The following PDE10A variants were observed in gnomAD, a reference collection of about 807,000 sequenced individuals.
PDE10A encodes phosphodiesterase 10A.
PDE10A carries 39 observed loss-of-function variants against 97.7 expected under a neutral mutation model. That is an observed-to-expected ratio of 0.40 (90% CI 0.31 to 0.52). The LOEUF (loss-of-function observed/expected upper bound fraction) is 0.52, where lower values mean the gene tolerates loss of function less well. PDE10A is among the 20% of genes least tolerant of loss of function. The pLI is 0.56. For synonymous variants in PDE10A, 371 were observed against 376.8 expected, an observed-to-expected ratio of 0.98 and a Z score of 0.18; for missense variants, 731 against 1,047.8, an observed-to-expected ratio of 0.70 and a Z score of 4.17.
chr6:165,734,332 C>T (rs1340386319), intron 1 of PDE10A, among the ~76,000 whole-genome samples: 3 of 152,090 alleles, frequency 2.0e-5, no homozygotes, highest in Admixed American at 6.6e-5. Context: ...CACACACATG[C>T]TTCTCACAGA....
intron 15 of PDE10A, among the ~76,000 whole-genome samples, chr6:165,393,995 A>C (rs1785928157): frequency 6.6e-6 from 1 of 152,132 alleles, no homozygotes; most frequent in Admixed American, 6.6e-5. Flanking sequence ...TTTTCGATCT[A>C]TTCTAATAGA....
At chr6:165,928,038 A>G (rs1377616812) in intron 1 of PDE10A, among the ~76,000 whole-genome samples, 1 of 150,586 alleles carries the variant, frequency 6.6e-6, no homozygotes, top group Admixed American at 6.6e-5. Flanking sequence ...TTTATATATA[A>G]TTTAATATGT....
At chr6:165,776,700 C>T (rs9348043) in intron 1 of PDE10A, among the ~76,000 whole-genome samples, 1 of 152,194 alleles carries the variant, frequency 6.6e-6, no homozygotes, top group Non-Finnish European at 1.5e-5. Context: ...TCTTTCCATC[C>T]CTCCTGGGCA....
chr6:165,414,656 C>T (rs1043223036), intron 12 of PDE10A, among the ~76,000 whole-genome samples: 5 of 152,174 alleles, frequency 3.3e-5, no homozygotes, highest in Admixed American at 3.3e-4. Context: ...TACTGTAGCA[C>T]CATATGTTTT....
intron 1 of PDE10A, among the ~76,000 whole-genome samples, chr6:165,797,212 T>C (rs1297501927): frequency 2.6e-5 from 4 of 152,214 alleles, no homozygotes; most frequent in East Asian, 3.9e-4. Context: ...CCACCAGACA[T>C]ACTACTGAGA....
intron 8 of PDE10A, among the ~76,000 whole-genome samples, chr6:165,431,200 G>A (rs1443136732): frequency 1.3e-5 from 2 of 151,254 alleles, no homozygotes; most frequent in Admixed American, 6.6e-5. Context: ...TTTATATATA[G>A]ATATATATGT....
chr6:165,891,211 T>A (rs1279286462), intron 1 of PDE10A, among the ~76,000 whole-genome samples: 6 of 152,240 alleles, frequency 3.9e-5, no homozygotes, highest in Non-Finnish European at 8.8e-5. Context: ...TTTATGTCAA[T>A]TCTACATGTA....
intron 13 of PDE10A, among the ~76,000 whole-genome samples, chr6:165,407,261 T>C (rs969210305): frequency 6.6e-6 from 1 of 152,188 alleles, no homozygotes; most frequent in Admixed American, 6.5e-5. Flanking sequence ...GGAAGAACGA[T>C]GTCAGAGAGA....
rs372233762 is a variant in PDE10A at position 165,597,330 on chromosome 6, C to T, written c.866-53762G>A. On this transcript the variant is annotated intron_variant, in intron 1 of 21. Transcript: ENST00000539869. The stretch of plus-strand genomic sequence containing the variant: ...GGTGGATTAAGTTTCTTAATAGTCA[C>T]TTTCTTCTAATATAGAGTACTAAAA... Among the ~76,000 whole-genome samples, 365 of 152,256 alleles carry T rather than the reference C, an allele frequency of 2.4e-3. 3 individuals carry two copies. Among genetic ancestry groups the T allele is most frequent in the African/African-American group, 8.5e-3 (355 of 41,542 alleles).
At chr6:165,339,773 G>C (rs1394237115) in intron 19 of PDE10A, among the ~76,000 whole-genome samples, 1 of 152,200 alleles carries the variant, frequency 6.6e-6, no homozygotes, top group Non-Finnish European at 1.5e-5. Flanking sequence ...TACAGAGGAA[G>C]ATAAACATCA....
intron 21 of PDE10A, among the ~76,000 whole-genome samples, chr6:165,335,739 T>G (rs7750258): frequency 6.6e-6 from 1 of 151,796 alleles, no homozygotes; most frequent in Admixed American, 6.6e-5. Context: ...GGCACCCCAC[T>G]CAGACTGAAC....
At chr6:165,474,876 C>T (rs944535305) in intron 3 of PDE10A, among the ~76,000 whole-genome samples, 1 of 151,880 alleles carries the variant, frequency 6.6e-6, no homozygotes, top group Non-Finnish European at 1.5e-5. Context: ...ACATTGAGAT[C>T]GAGAAAAAGA....
intron 1 of PDE10A, among the ~76,000 whole-genome samples, chr6:165,567,606 C>T (rs1784837174): frequency 6.6e-6 from 1 of 152,150 alleles, no homozygotes; most frequent in Admixed American, 6.5e-5. Context: ...CAATCTCTCC[C>T]CATATACTTA....
In PDE10A at chr6:165,977,956, A is replaced by G. The variant is rs960783986; in HGVS notation, c.-615+9573T>C. On this transcript the variant is annotated intron_variant, in intron 1 of 19. Transcript: ENST00000366882. ...GCAACAATGAAGCTGAATCCCACAG[A>G]TTAAAGTTTGAAGAAAAGAACCCAG... Among the ~76,000 whole-genome samples the G allele has an allele frequency of 2.6e-5, 4 of 152,366 alleles. No homozygotes were observed. The East Asian group carries it at 7.7e-4, about 29-fold the overall frequency.
In PDE10A at chr6:165,887,570, G is replaced by A. The variant is rs78241419; in HGVS notation, c.-615+99959C>T. Reference sequence around the variant, plus strand: ...CCCTGCAGTCCTCTCAGCCAGCAGCGTTCCCAGGCCTTCTCTTCTCATAAC... The same window carrying A: ...CCCTGCAGTCCTCTCAGCCAGCAGCATTCCCAGGCCTTCTCTTCTCATAAC... On this transcript the variant is annotated intron_variant, in intron 1 of 19. Transcript: ENST00000366882. 2.3e-3 allele frequency among the ~76,000 whole-genome samples: 348 copies of A among 152,216 alleles called. 3 individuals are homozygous for A. Among genetic ancestry groups the A allele is most frequent in the African/African-American group, 7.9e-3 (328 of 41,532 alleles).
intron 2 of PDE10A, among the ~76,000 whole-genome samples, 182 bp from the exon 3 acceptor site, chr6:165,482,525 A>G (rs888811096): frequency 1.4e-4 from 22 of 152,362 alleles, no homozygotes; most frequent in Admixed American, 1.2e-3. Context: ...CGAGTTAAGA[A>G]GTATACATTA....
intron 2 of PDE10A, among the ~76,000 whole-genome samples, chr6:165,501,545 C>A (rs1780889491): frequency 6.6e-6 from 1 of 151,290 alleles, no homozygotes; most frequent in Non-Finnish European, 1.5e-5. Flanking sequence ...TGCACTCCAG[C>A]CTGGATGAAA....
intron 1 of PDE10A, among the ~76,000 whole-genome samples, chr6:165,691,110 C>CA (rs1478702192): frequency 9.6e-5 from 6 of 62,394 alleles, no homozygotes; most frequent in South Asian, 8.3e-4. Flanking sequence ...TCTCTCTCCC[C>CA]CCCCCCATCA....
At position 165,786,489 on chromosome 6, in the gene PDE10A, TA is replaced by T. The variant is rs1373220741; in HGVS notation, c.-615+201039del. On this transcript the variant is annotated intron_variant, in intron 1 of 19. Coordinates refer to the PDE10A transcript ENST00000366882. ...ATAATTTAAATGTACCTGTGAGGGG[TA>T]AAGAAGCATTTCTCCTTCACAGAAA... Among the ~76,000 whole-genome samples the T allele has an allele frequency of 2.6e-5, 4 of 152,314 alleles. No individual in the cohort carries two copies. The South Asian group carries it at 8.3e-4, about 32-fold the overall frequency.
Sources: gnomAD v4.1 joint callset for allele counts (sites outside exome capture counted in the v4.1 genomes callset) on GRCh38, gnomAD v4.1.1 for gene constraint, MANE v1.5 for transcripts, NCBI Gene and HGNC (gene_info 2026-07-23, HGNC 2026-07-21) for gene names.